Variants in ARB2A observed in about 807,000 individuals in gnomAD.
ARB2A encodes ARB2 cotranscriptional regulator A.
the ARB2A span, among the ~76,000 whole-genome samples, chr5:93,766,651 A>G: frequency 1.3e-5 from 2 of 152,168 alleles, no homozygotes; most frequent in African/African-American, 2.4e-5. Context: ...GGGATCTAGA[A>G]CTAGAAATAC....
chr5:93,928,160 G>C, the ARB2A span, among the ~76,000 whole-genome samples: 1 of 151,846 alleles, frequency 6.6e-6, no homozygotes, highest in East Asian at 1.9e-4. Flanking sequence ...TGCTGAGGTT[G>C]GTCTTTTGTA....
the ARB2A span, among the ~76,000 whole-genome samples, chr5:93,691,676 A>C: frequency 6.6e-6 from 1 of 152,130 alleles, no homozygotes; most frequent in African/African-American, 2.4e-5. Context: ...AATACAGAGA[A>C]CACCACCAAG....
At chr5:93,818,546 C>T in the ARB2A span, among the ~76,000 whole-genome samples, 1 of 151,928 alleles carries the variant, frequency 6.6e-6, no homozygotes, top group African/African-American at 2.4e-5. Context: ...GAAGCTGAAC[C>T]GATTGGGGAT....
At chr5:94,039,455 A>G in the ARB2A span, among the ~76,000 whole-genome samples, 1 of 152,228 alleles carries the variant, frequency 6.6e-6, no homozygotes, top group Non-Finnish European at 1.5e-5. Flanking sequence ...GCACCATGAC[A>G]GTTTACCAAA....
chr5:93,968,683 G>A, the ARB2A span, among the ~76,000 whole-genome samples: 38 of 151,930 alleles, frequency 2.5e-4, 1 homozygote, highest in African/African-American at 8.9e-4. Flanking sequence ...CAAAATTAAT[G>A]ACAGATAAAA....
chr5:93,841,026 C>G, the ARB2A span, among the ~76,000 whole-genome samples: 1 of 152,118 alleles, frequency 6.6e-6, no homozygotes, highest in Non-Finnish European at 1.5e-5. Flanking sequence ...CAAAACTGGG[C>G]TCCACTGTAC....
chr5:93,913,537 A>C, the ARB2A span, among the ~76,000 whole-genome samples: 1 of 151,910 alleles, frequency 6.6e-6, no homozygotes, highest in South Asian at 2.1e-4. Flanking sequence ...CGAATGAAAA[A>C]CTGATTTCCA....
At chr5:93,652,045 G>C in the ARB2A span, among the ~76,000 whole-genome samples, 81 of 152,216 alleles carry the variant, frequency 5.3e-4, 1 homozygote, top group Non-Finnish European at 4.4e-5. Context: ...ATGGGACAAA[G>C]AGAAAATAAA....
chr5:93,816,515 C>T, the ARB2A span, among the ~76,000 whole-genome samples: 1 of 152,106 alleles, frequency 6.6e-6, no homozygotes, highest in Non-Finnish European at 1.5e-5. Flanking sequence ...GGTTTCCTAG[C>T]AGTCTTTGTG....
chr5:93,887,176 C>T, the ARB2A span, among the ~76,000 whole-genome samples: 1 of 150,454 alleles, frequency 6.6e-6, no homozygotes, highest in Non-Finnish European at 1.5e-5. Context: ...GTCAGGGTCA[C>T]ACTGCATTCC....
At chr5:93,730,371 T>TC in the ARB2A span, among the ~76,000 whole-genome samples, 1 of 151,962 alleles carries the variant, frequency 6.6e-6, no homozygotes. Context: ...GTCTTTTTTT[T>TC]CCCCCATCTC....
chr5:93,776,576 G>A, the ARB2A span, among the ~76,000 whole-genome samples: 3 of 152,250 alleles, frequency 2.0e-5, no homozygotes, highest in Middle Eastern at 3.4e-3. Context: ...TCAGGAGTTC[G>A]AGACCAGCGT....
the ARB2A span, among the ~76,000 whole-genome samples, chr5:93,747,421 T>A: frequency 1.1e-3 from 165 of 152,242 alleles, no homozygotes; most frequent in Admixed American, 1.8e-3. Flanking sequence ...AATGAACTCT[T>A]ATTTTAACTA....
chr5:93,740,402 C>A, the ARB2A span: 1 of 644,954 alleles, frequency 1.6e-6, no homozygotes, highest in Non-Finnish European at 2.6e-6. Context: ...ATCTTCTCTC[C>A]CAGGTTTTTC....
chr5:93,958,725 T>C, the ARB2A span: 26 of 1,264,610 alleles, frequency 2.1e-5, no homozygotes, highest in Non-Finnish European at 2.7e-5. Flanking sequence ...AAACATATAA[T>C]AAAACAGTAC....
the ARB2A span, among the ~76,000 whole-genome samples, chr5:93,758,342 G>C: frequency 6.6e-6 from 1 of 152,200 alleles, no homozygotes; most frequent in East Asian, 1.9e-4. Context: ...AGGTCATCAC[G>C]ACAGAAAGTT....
the ARB2A span, among the ~76,000 whole-genome samples, chr5:94,006,844 A>G: frequency 6.6e-6 from 1 of 152,266 alleles, no homozygotes; most frequent in South Asian, 2.1e-4. Flanking sequence ...AGCAACAGCA[A>G]TAACGAAGTA....
the ARB2A span, among the ~76,000 whole-genome samples, chr5:93,658,176 T>C: frequency 1.3e-5 from 2 of 152,108 alleles, no homozygotes; most frequent in East Asian, 3.9e-4. Context: ...ATGGTCAACT[T>C]AAGACTCTCA....
At chr5:94,093,976 T>A in the ARB2A span, among the ~76,000 whole-genome samples, 2 of 152,160 alleles carry the variant, frequency 1.3e-5, no homozygotes, top group Non-Finnish European at 2.9e-5. Context: ...GTGCCAAACT[T>A]AGAAAGGCAA....
Sources: allele counts gnomAD v4.1 joint callset (sites outside exome capture counted in the v4.1 genomes callset), GRCh38; gene constraint gnomAD v4.1.1; transcripts MANE v1.5; gene names NCBI Gene and HGNC (gene_info 2026-07-23, HGNC 2026-07-21).